The following CMTM6 variants were observed in gnomAD, a reference collection of about 807,000 sequenced individuals.
The protein encoded by CMTM6 is CKLF-like MARVEL transmembrane domain-containing protein 6.
Under a neutral mutation model 13.6 loss-of-function variants are expected in CMTM6, and 5 were observed. The observed-to-expected ratio is 0.37, with a 90% CI of 0.19 to 0.77. CMTM6 has a LOEUF of 0.77. Ranked by LOEUF, CMTM6 falls within the 30% of genes least tolerant of loss-of-function variation. The pLI is 0.50. For missense variants in CMTM6, 196 were observed against 218.6 expected, an observed-to-expected ratio of 0.90 and a Z score of 0.65; for synonymous variants, 99 against 84.5, an observed-to-expected ratio of 1.17 and a Z score of -0.94.
intron 1 of CMTM6, among the ~76,000 whole-genome samples, chr3:32,501,697 A>G (rs1697346818): frequency 6.6e-6 from 1 of 152,248 alleles, no homozygotes; most frequent in Admixed American, 6.5e-5. Context: ...ATTTTTACTT[A>G]GAATGGTTAA....
chr3:32,499,900 GAA>G (rs755511273), intron 1 of CMTM6, among the ~76,000 whole-genome samples: 1 of 121,998 alleles, frequency 8.2e-6, no homozygotes. Flanking sequence ...TCAGAGGTTT[GAA>G]AAAAAAAAAA....
chr3:32,491,964 T>TAA, intron 1 of CMTM6, 78 bp from the exon 2 acceptor site: 1 of 1,182,778 alleles, frequency 8.5e-7, no homozygotes, highest in Non-Finnish European at 1.2e-6. Flanking sequence ...TTCTGAATAA[T>TAA]ACGTTTACTC....
intron 1 of CMTM6, among the ~76,000 whole-genome samples, chr3:32,496,981 A>G (rs1483868446): frequency 6.6e-6 from 1 of 152,190 alleles, no homozygotes; most frequent in African/African-American, 2.4e-5. Flanking sequence ...AGAAAACAGG[A>G]GGAACAGAGG....
intron 1 of CMTM6, among the ~76,000 whole-genome samples, chr3:32,498,282 G>A (rs190321499): frequency 1.1e-4 from 16 of 152,246 alleles, no homozygotes; most frequent in Admixed American, 2.6e-4. Context: ...AAGTTAGCTC[G>A]GCACAGACAA....
intron 1 of CMTM6, among the ~76,000 whole-genome samples, chr3:32,497,428 A>G (rs938794087): frequency 6.6e-5 from 10 of 150,768 alleles, no homozygotes; most frequent in African/African-American, 2.2e-4. Flanking sequence ...AAAAAGCAGC[A>G]AGTAAACATA....
chr3:32,485,584 C>T (rs1449624712), intron 3 of CMTM6, among the ~76,000 whole-genome samples: 1 of 152,162 alleles, frequency 6.6e-6, no homozygotes, highest in Non-Finnish European at 1.5e-5. Flanking sequence ...TACTCCTCTG[C>T]AACAAAAATG....
intron 3 of CMTM6, chr3:32,487,685 T>G (rs1361332777): frequency 3.3e-6 from 1 of 304,342 alleles, no homozygotes; most frequent in Non-Finnish European, 6.0e-6. Flanking sequence ...ATTTTACCAC[T>G]TCCATTAGCA....
chr3:32,497,457 A>G (rs1315927061), intron 1 of CMTM6, among the ~76,000 whole-genome samples: 1 of 151,026 alleles, frequency 6.6e-6, no homozygotes, highest in Non-Finnish European at 1.5e-5. Flanking sequence ...TGTTACTCAT[A>G]CCGTGACACC....
At position 32,495,187 on chromosome 3, in the gene CMTM6, AT is replaced by A. The variant is rs527292458; in HGVS notation, c.139-3302del. Among the ~76,000 whole-genome samples the A allele has an allele frequency of 2.4e-4, 36 of 152,344 alleles. No homozygotes were observed. In the South Asian group the frequency reaches 4.8e-3, roughly 20 times the overall value. Reference sequence around the variant, plus strand: ...AAAGAATTTATATAAAAGAAAAAAAATAGTCTAATTGTAACATGAATGGTTA... The same window carrying A: ...AAAGAATTTATATAAAAGAAAAAAAAAGTCTAATTGTAACATGAATGGTTA... On this transcript the variant is annotated intron_variant, in intron 1 of 3. Transcript: ENST00000205636.
chr3:32,487,902 C>T, intron 3 of CMTM6, 36 bp downstream of exon 3: 2 of 1,454,998 alleles, frequency 1.4e-6, no homozygotes, highest in South Asian at 2.3e-5. Flanking sequence ...TCTAAGGAAA[C>T]AAAAATAAGC....
chr3:32,488,183 T>C, intron 2 of CMTM6, 147 bp from the exon 3 acceptor site: 1 of 590,834 alleles, frequency 1.7e-6, no homozygotes. Context: ...TTCTAACTTT[T>C]CAATAAGCCT....
chr3:32,496,198 CAAAAA>C (rs11426299), intron 1 of CMTM6, among the ~76,000 whole-genome samples: 4 of 78,050 alleles, frequency 5.1e-5, no homozygotes, highest in Non-Finnish European at 9.7e-5. Context: ...GAGACTATCT[CAAAAA>C]AAAAAAAAAA....
chr3:32,494,319 C>T (rs942414464), intron 1 of CMTM6, among the ~76,000 whole-genome samples: 63 of 152,304 alleles, frequency 4.1e-4, no homozygotes, highest in African/African-American at 1.4e-3. Context: ...TCCCTTCTCA[C>T]TCCAGTCAGG....
intron 3 of CMTM6, 42 bp from the exon 4 acceptor site, chr3:32,484,139 A>T (rs1282592905): frequency 9.1e-6 from 13 of 1,431,050 alleles, no homozygotes; most frequent in Middle Eastern, 3.9e-4. Flanking sequence ...GAATTTTGGA[A>T]TATAATCTTA....
At chr3:32,501,329 A>C (rs1048571755) in intron 1 of CMTM6, among the ~76,000 whole-genome samples, 1 of 152,190 alleles carries the variant, frequency 6.6e-6, no homozygotes, top group African/African-American at 2.4e-5. Flanking sequence ...TGACAAGAGA[A>C]GAGAAGGAAG....
Position 32,483,863 on chromosome 3 carries a change from G to T in CMTM6, c.*97C>A. 8.0e-7 allele frequency: 1 copy of T among 1,253,376 alleles called. No individual in the cohort carries two copies. The highest frequency in any genetic ancestry group is 1.1e-6 in the Non-Finnish European group (1 of 948,768). 77.6% of individuals were successfully genotyped at this position (1,253,376 alleles called of 1,614,324 possible). ...TTCCCCTTGCTCTCCAAAAGAAGTG[G>T]TTTAAACAATTAACAAATTTTACAA... On this transcript the variant is annotated 3_prime_UTR_variant, in exon 4 of 4. Transcript: ENST00000205636.
rs5847769 is a variant in CMTM6, at chr3:32,497,857, CAA to C, written c.138+4749_138+4750del. On this transcript the variant is annotated intron_variant, in intron 1 of 3. Transcript: ENST00000205636. ...TGGGTGACAGAGCGAGGCTTCGTCT[CAA>C]AAAAAAAAAAAAAAAGTGTAAAAGC... Among the ~76,000 whole-genome samples the C allele has an allele frequency of 7.3e-3, 849 of 116,794 alleles. 5 individuals carry two copies. Among genetic ancestry groups the C allele is most frequent in the African/African-American group, 0.019 (612 of 32,094 alleles). The allele number at this position is 116,794 out of a possible 152,430, so 76.6% of individuals were successfully genotyped here. A position where few individuals can be genotyped will look rare whatever the true frequency, so the allele number is the denominator to read the frequency against.
In CMTM6 at chr3:32,502,701, C is replaced by A. The variant is rs1369986999; in HGVS notation, c.45G>T (p.Pro15=). The change falls in exon 1 of 4, where the codon CCG becomes CCT. Residue 15 remains proline (P), a synonymous_variant. Transcript: ENST00000205636. ...AVYSPTTEED[P]GPARGPRSGL... is the part of the protein sequence containing the mutation. ...CGCTCCGGGGGCCTCTGGCGGGGCC[C>A]GGGTCCTCCTCCGTAGTGGGGCTGT... 7.6e-6 allele frequency: 12 copies of A among 1,583,658 alleles called. No individual in the cohort carries two copies. Among genetic ancestry groups the A allele is most frequent in the Non-Finnish European group, 1.0e-5 (12 of 1,167,726 alleles).
intron 3 of CMTM6, among the ~76,000 whole-genome samples, chr3:32,487,354 A>T (rs896219481): frequency 2.0e-4 from 30 of 147,832 alleles, no homozygotes; most frequent in Admixed American, 4.1e-4. Flanking sequence ...TTTTTCTATT[A>T]TTTTTTTTTT....
Sources: gnomAD v4.1 joint callset for allele counts (sites outside exome capture counted in the v4.1 genomes callset) on GRCh38, gnomAD v4.1.1 for gene constraint, MANE v1.5 for transcripts, NCBI Gene and HGNC (gene_info 2026-07-23, HGNC 2026-07-21) for gene names.